EXOC6B: variants seen among roughly 807,000 people sequenced by gnomAD.
EXOC6B encodes exocyst complex component 6B, also known as SEC15 homolog B.
In EXOC6B, 54 loss-of-function variants were observed where a neutral mutation model predicts 113.5. That is an observed-to-expected ratio of 0.48 (90% CI 0.38 to 0.60). EXOC6B has a LOEUF of 0.60. EXOC6B is among the 20% of genes least tolerant of loss of function. EXOC6B has a pLI of 0.00. For synonymous variants in EXOC6B, 357 were observed against 339.0 expected (o/e 1.05, Z -0.58); for missense variants, 797 against 977.5 (o/e 0.82, Z 2.46).
At chr2:72,653,598 A>ACAC (rs1674364963) in intron 6 of EXOC6B, among the ~76,000 whole-genome samples, 1 of 133,242 alleles carries the variant, frequency 7.5e-6, no homozygotes, top group Non-Finnish European at 1.6e-5. Context: ...ATTGCCAGCA[A>ACAC]CCCCCCCCCA....
At chr2:72,710,794 T>C (rs1432281641) in intron 6 of EXOC6B, among the ~76,000 whole-genome samples, 1 of 152,210 alleles carries the variant, frequency 6.6e-6, no homozygotes, top group Admixed American at 6.5e-5. Context: ...GAAAGGACCA[T>C]GATGACAACT....
intron 6 of EXOC6B, among the ~76,000 whole-genome samples, chr2:72,690,201 G>A (rs988950070): frequency 2.6e-5 from 4 of 152,104 alleles, no homozygotes; most frequent in African/African-American, 9.7e-5. Context: ...CTACCATCTT[G>A]GGTACATGAT....
intron 6 of EXOC6B, among the ~76,000 whole-genome samples, chr2:72,678,249 C>CAGGT (rs1252927540): frequency 2.0e-5 from 3 of 152,190 alleles, no homozygotes; most frequent in African/African-American, 7.2e-5. Flanking sequence ...TCTTGCAAAG[C>CAGGT]AGGTCATGAA....
intron 18 of EXOC6B, among the ~76,000 whole-genome samples, chr2:72,387,584 GTAATTCAAAGAAT>G: frequency 6.6e-6 from 1 of 152,094 alleles, no homozygotes; most frequent in Non-Finnish European, 1.5e-5. Context: ...TATAATTTGT[GTAATTCAAAGAAT>G]TTAACCAAGT....
At chr2:72,203,897 G>A (rs752771164) in intron 20 of EXOC6B, among the ~76,000 whole-genome samples, 1 of 152,180 alleles carries the variant, frequency 6.6e-6, no homozygotes, top group Non-Finnish European at 1.5e-5. Flanking sequence ...TCAGGCTGTG[G>A]GCCTTCAAGG....
At chr2:72,579,502 C>G (rs1479235102) in intron 6 of EXOC6B, among the ~76,000 whole-genome samples, 2 of 152,102 alleles carry the variant, frequency 1.3e-5, no homozygotes, top group African/African-American at 4.8e-5. Flanking sequence ...CCAATAAAAA[C>G]TTATAAAAGA....
At chr2:72,673,355 A>G (rs369185086) in intron 6 of EXOC6B, among the ~76,000 whole-genome samples, 18 of 152,352 alleles carry the variant, frequency 1.2e-4, no homozygotes, top group African/African-American at 3.6e-4. Flanking sequence ...ATGATTGACA[A>G]TAACCTGCCC....
intron 18 of EXOC6B, among the ~76,000 whole-genome samples, chr2:72,402,475 T>C (rs1265462035): frequency 6.6e-6 from 1 of 152,204 alleles, no homozygotes; most frequent in Non-Finnish European, 1.5e-5. Context: ...AGTTACTATC[T>C]ACTTTCCTTT....
chr2:72,575,699 C>A (rs367966776), intron 6 of EXOC6B, 31 bp from the exon 7 acceptor site: 8 of 1,477,842 alleles, frequency 5.4e-6, no homozygotes, highest in South Asian at 3.0e-5. Flanking sequence ...CACAAACACA[C>A]CAAAAAGGTG....
In EXOC6B at chr2:72,745,005, C is replaced by A. The variant is rs564900474; in HGVS notation, c.114-3536G>T. On this transcript the variant is annotated intron_variant, in intron 1 of 21. Coordinates refer to ENST00000272427, the MANE Select transcript of EXOC6B (RefSeq NM_015189.3). ...TCCAGTTAATCTCTCCGACCCTCAA[C>A]TTTCTCATCTAGAAAATAGGAAGCA... 8.5e-5 allele frequency among the ~76,000 whole-genome samples: 13 copies of A among 152,300 alleles called. No individual in the cohort carries two copies. In the South Asian group the frequency reaches 2.1e-3, roughly 24 times the overall value.
At chr2:72,462,627 C>T (rs1034672381) in intron 18 of EXOC6B, 8 of 151,940 alleles carry the variant, frequency 5.3e-5, no homozygotes, top group Admixed American at 2.6e-4. Flanking sequence ...TTATGAGTAA[C>T]AGGACTTTAT....
chr2:72,789,406 G>A (rs1390353614), intron 1 of EXOC6B, among the ~76,000 whole-genome samples: 1 of 152,188 alleles, frequency 6.6e-6, no homozygotes, highest in East Asian at 1.9e-4. Flanking sequence ...AAGAGACTAA[G>A]ATGGGCATGT....
intron 5 of EXOC6B, among the ~76,000 whole-genome samples, chr2:72,730,577 G>C (rs1346210593): frequency 4.3e-5 from 3 of 69,634 alleles, no homozygotes; most frequent in African/African-American, 1.1e-4. Context: ...TAAACAGACA[G>C]AGACACACAC....
chr2:72,768,107 G>C (rs1361544870), intron 1 of EXOC6B, among the ~76,000 whole-genome samples: 1 of 138,020 alleles, frequency 7.2e-6, no homozygotes, highest in Non-Finnish European at 1.5e-5. Context: ...CTGGGGGCCA[G>C]AGTGAGACTC....
intron 1 of EXOC6B, 69 bp from the exon 2 acceptor site, chr2:72,741,538 C>T (rs1159839188): frequency 6.9e-7 from 1 of 1,451,146 alleles, no homozygotes; most frequent in African/African-American, 1.4e-5. Context: ...AATTATAAAT[C>T]CAGAAGCAAA....
intron 19 of EXOC6B, among the ~76,000 whole-genome samples, chr2:72,355,146 G>A (rs1257288165): frequency 6.6e-6 from 1 of 152,132 alleles, no homozygotes; most frequent in Non-Finnish European, 1.5e-5. Flanking sequence ...TATCTGCAGT[G>A]TGCCAGCTCC....
At chr2:72,767,385 C>T (rs140684742) in intron 1 of EXOC6B, among the ~76,000 whole-genome samples, 1 of 151,888 alleles carries the variant, frequency 6.6e-6, no homozygotes, top group East Asian at 1.9e-4. Flanking sequence ...AAACCAAGAT[C>T]GCGCCATTTC....
chr2:72,772,533 C>A (rs1683463680), intron 1 of EXOC6B, among the ~76,000 whole-genome samples: 1 of 152,194 alleles, frequency 6.6e-6, no homozygotes, highest in African/African-American at 2.4e-5. Context: ...AAGCTTCAGG[C>A]CTGCTCCTGC....
At chr2:72,671,793 A>AAGAAAGAAAG (rs1455305281) in intron 6 of EXOC6B, among the ~76,000 whole-genome samples, 10 of 134,444 alleles carry the variant, frequency 7.4e-5, no homozygotes, top group African/African-American at 2.8e-4. Flanking sequence ...GAAAGAAAGA[A>AAGAAAGAAAG]AGAAAGAAAG....
Sources: allele counts gnomAD v4.1 joint callset (sites outside exome capture counted in the v4.1 genomes callset), GRCh38; gene constraint gnomAD v4.1.1; transcripts MANE v1.5; gene names NCBI Gene and HGNC (gene_info 2026-07-23, HGNC 2026-07-21).